The following IL18RAP variants were observed in gnomAD, a reference collection of about 807,000 sequenced individuals.
IL18RAP encodes the protein interleukin 18 receptor accessory protein.
In IL18RAP, 37 loss-of-function variants were observed where a neutral mutation model predicts 58.1. That is an observed-to-expected ratio of 0.64 (90% CI 0.49 to 0.84). The LOEUF (loss-of-function observed/expected upper bound fraction) is 0.84. Ranked by LOEUF, IL18RAP falls within the 40% of genes least tolerant of loss-of-function variation. The probability of loss-of-function intolerance (pLI) is 0.00; values close to 1 mark genes in which losing one functional copy is unlikely to be tolerated. For synonymous variants in IL18RAP, 268 were observed against 257.5 expected (o/e 1.04, Z -0.39); for missense variants, 667 against 704.8 (o/e 0.95, Z 0.61).
intron 3 of IL18RAP, among the ~76,000 whole-genome samples, chr2:102,430,614 G>A (rs901981368): frequency 1.3e-5 from 2 of 151,962 alleles, no homozygotes; most frequent in Admixed American, 6.6e-5. Context: ...GTGTTTTGTA[G>A]GTTTTTTGTT....
At chr2:102,432,863 C>G (rs1407927646) in intron 3 of IL18RAP, among the ~76,000 whole-genome samples, 1 of 152,054 alleles carries the variant, frequency 6.6e-6, no homozygotes, top group Non-Finnish European at 1.5e-5. Flanking sequence ...CTAACTTTTT[C>G]TATATATTTT....
In IL18RAP at chr2:102,424,358, T is replaced by C. The variant is rs750612263; in HGVS notation, c.523T>C (p.Cys175Arg). Reference sequence around the variant, plus strand: ...TCTTGGGAGCACTGGCTCTATTTCTTGCCCCAGTCTCAGCTGCCAAAGTGA... The same window carrying C: ...TCTTGGGAGCACTGGCTCTATTTCTCGCCCCAGTCTCAGCTGCCAAAGTGA... ...LLLGSTGSIS[C>R]PSLSCQSDAQ... is the part of the protein sequence containing the mutation. Residue 175 changes from cysteine (C) to arginine (R), a missense_variant, in exon 3 of 10, where the codon TGC becomes CGC. Coordinates refer to ENST00000687160, the MANE Select transcript of IL18RAP (RefSeq NM_001393487.1). 6.2e-7 allele frequency: 1 copy of C among 1,614,080 alleles called. No homozygotes were observed. The highest frequency in any genetic ancestry group is 1.1e-5 in the South Asian group (1 of 91,088).
intron 3 of IL18RAP, among the ~76,000 whole-genome samples, chr2:102,425,840 T>C (rs1681903381): frequency 6.6e-6 from 1 of 152,082 alleles, no homozygotes; most frequent in African/African-American, 2.4e-5. Context: ...TTTCTGCAAA[T>C]ATTGCTTTTA....
chr2:102,451,133 A>T, intron 9 of IL18RAP, 112 bp downstream of exon 9: 1 of 800,434 alleles, frequency 1.2e-6, no homozygotes. Flanking sequence ...AGATTACATG[A>T]GGTTAGAACA....
intron 8 of IL18RAP, among the ~76,000 whole-genome samples, chr2:102,447,902 T>C (rs1364154621): frequency 1.3e-5 from 2 of 152,074 alleles, no homozygotes; most frequent in Non-Finnish European, 2.9e-5. Context: ...AGCTATTGTT[T>C]GTGTTTTTAG....
At chr2:102,436,358 T>A (rs1003260705) in intron 3 of IL18RAP, among the ~76,000 whole-genome samples, 18 of 152,324 alleles carry the variant, frequency 1.2e-4, no homozygotes, top group Admixed American at 1.1e-3. Context: ...TAAAACTTCC[T>A]TTTGAAAAGT....
upstream of IL18RAP, chr2:102,418,800 G>A (rs1261733557): frequency 6.6e-6 from 1 of 152,230 alleles, no homozygotes; most frequent in Non-Finnish European, 1.5e-5. Flanking sequence ...GTATCTCTCT[G>A]GATAGGAAGA....
At chr2:102,436,022 C>A (rs1460450670) in intron 3 of IL18RAP, among the ~76,000 whole-genome samples, 1 of 152,168 alleles carries the variant, frequency 6.6e-6, no homozygotes, top group Non-Finnish European at 1.5e-5. Flanking sequence ...TGAGGATTAA[C>A]TGTAATTGTA....
chr2:102,446,413 T>C (rs1683417847), intron 7 of IL18RAP, among the ~76,000 whole-genome samples: 1 of 152,178 alleles, frequency 6.6e-6, no homozygotes, highest in Non-Finnish European at 1.5e-5. Context: ...CCGAGCAGTG[T>C]ACACTACACC....
intron 3 of IL18RAP, among the ~76,000 whole-genome samples, chr2:102,429,262 T>A (rs543434218): frequency 6.6e-6 from 1 of 152,118 alleles, no homozygotes; most frequent in South Asian, 2.1e-4. Context: ...ATTATTGGTC[T>A]GTTTAGATTT....
intron 3 of IL18RAP, among the ~76,000 whole-genome samples, chr2:102,429,394 T>A (rs1471414284): frequency 6.6e-6 from 1 of 152,012 alleles, no homozygotes; most frequent in African/African-American, 2.4e-5. Context: ...ATCCTTTGTA[T>A]TTTTGTGGTA....
At chr2:102,445,836 G>A (rs891047118) in intron 7 of IL18RAP, among the ~76,000 whole-genome samples, 2 of 151,872 alleles carry the variant, frequency 1.3e-5, no homozygotes, top group Non-Finnish European at 2.9e-5. Flanking sequence ...AAAAAAAGCT[G>A]GAGTAGAAAT....
In IL18RAP at chr2:102,441,749, G is replaced by C. The variant is rs1414795503; in HGVS notation, c.796+372G>C. Among the ~76,000 whole-genome samples, 3 of 152,100 alleles carry C rather than the reference G, an allele frequency of 2.0e-5. No homozygotes were observed. The East Asian group carries it at 5.8e-4, about 29-fold the overall frequency. On this transcript the variant is annotated intron_variant, in intron 5 of 9. Transcript: ENST00000687160. ...CTAAAACTACAAAAATTAGCCGGGC[G>C]TGGGTGTGGGTGCCTGTAATCCCAG...
intron 3 of IL18RAP, among the ~76,000 whole-genome samples, chr2:102,427,797 C>T (rs1291864174): frequency 1.3e-5 from 2 of 151,948 alleles, no homozygotes; most frequent in African/African-American, 4.8e-5. Context: ...AGAGCTTTCC[C>T]TCTATGTTTT....
At chr2:102,430,054 G>A (rs541120136) in intron 3 of IL18RAP, among the ~76,000 whole-genome samples, 1 of 152,044 alleles carries the variant, frequency 6.6e-6, no homozygotes, top group Admixed American at 6.5e-5. Context: ...TGGATAGAAT[G>A]TTCTGTATAT....
At chr2:102,428,334 G>A (rs1024489584) in intron 3 of IL18RAP, among the ~76,000 whole-genome samples, 16 of 150,422 alleles carry the variant, frequency 1.1e-4, no homozygotes, top group African/African-American at 3.4e-4. Context: ...CATGGACACA[G>A]AATACTTTCA....
At chr2:102,446,921 G>A (rs916491163) in intron 7 of IL18RAP, 149 bp from the exon 8 acceptor site, 2 of 848,880 alleles carry the variant, frequency 2.4e-6, no homozygotes, top group Middle Eastern at 3.7e-4. Context: ...GAGGTTTCCA[G>A]ATTCACAAAA....
At chr2:102,436,309 G>C (rs1046199320) in intron 3 of IL18RAP, among the ~76,000 whole-genome samples, 1 of 152,010 alleles carries the variant, frequency 6.6e-6, no homozygotes, top group African/African-American at 2.4e-5. Context: ...TTATCACTGC[G>C]TCCTCTGAAG....
chr2:102,418,823 C>A (rs1224929357), upstream of IL18RAP: 1 of 152,218 alleles, frequency 6.6e-6, no homozygotes, highest in Non-Finnish European at 1.5e-5. Flanking sequence ...TATAGTAGAA[C>A]CCTTTGAAAA....
Sources: gnomAD v4.1 joint callset for allele counts (sites outside exome capture counted in the v4.1 genomes callset) on GRCh38, gnomAD v4.1.1 for gene constraint, MANE v1.5 for transcripts, NCBI Gene and HGNC (gene_info 2026-07-23, HGNC 2026-07-21) for gene names.